CTIF: variants seen among roughly 807,000 people sequenced by gnomAD.
CTIF encodes the protein CBP80/20-dependent translation initiation factor.
A neutral mutation model predicts 66.0 loss-of-function variants in CTIF; 21 were observed. The ratio of observed to expected loss-of-function variants is 0.32; its 90% CI spans 0.23 to 0.46. The LOEUF (loss-of-function observed/expected upper bound fraction) is 0.46, where lower values mean the gene tolerates loss of function less well. Among genes scored for constraint, CTIF ranks in the 20% least tolerant of loss-of-function variants. The pLI, the probability that CTIF is intolerant of heterozygous loss-of-function variation, is 1.00. For synonymous variants in CTIF, 345 were observed against 326.4 expected (o/e 1.06, Z -0.62); for missense variants, 739 against 812.7 (o/e 0.91, Z 1.10).
rs558703084 is a variant in CTIF at position 48,748,474 on chromosome 18, G to A, written c.585-9445G>A. ...GAAGGAAAGCCAGAAGCCTAGAGGT[G>A]TGGGACAGCATGGGATAATGGAGGC... On this transcript the variant is annotated intron_variant, in intron 7 of 11. Coordinates refer to ENST00000256413, the MANE Select transcript of CTIF (RefSeq NM_014772.3). 2.0e-5 allele frequency among the ~76,000 whole-genome samples: 3 copies of A among 152,154 alleles called. No homozygotes were observed. In the East Asian group the frequency reaches 5.8e-4, roughly 29 times the overall value.
intron 2 of CTIF, among the ~76,000 whole-genome samples, chr18:48,623,322 C>T (rs1045924320): frequency 3.3e-5 from 5 of 152,190 alleles, no homozygotes; most frequent in Non-Finnish European, 5.9e-5. Context: ...CTGCTGCTGC[C>T]GGAAAGGGAG....
intron 9 of CTIF, among the ~76,000 whole-genome samples, chr18:48,766,354 G>A (rs1216925979): frequency 6.6e-6 from 1 of 152,138 alleles, no homozygotes; most frequent in Non-Finnish European, 1.5e-5. Context: ...ATGGTTTGTA[G>A]GTGGTGGCTC....
chr18:48,646,915 A>C (rs1270704781), intron 3 of CTIF, among the ~76,000 whole-genome samples: 4 of 151,192 alleles, frequency 2.6e-5, no homozygotes, highest in African/African-American at 4.8e-5. Context: ...AAAAAAAAAA[A>C]AAAAAAAAAA....
At chr18:48,757,472 G>T (rs879877043) in intron 7 of CTIF, among the ~76,000 whole-genome samples, 1 of 152,174 alleles carries the variant, frequency 6.6e-6, no homozygotes, top group Non-Finnish European at 1.5e-5. Context: ...GAAGGTGCTT[G>T]TAAGAAGCAG....
Position 48,619,699 on chromosome 18 carries a change from C to T in CTIF, c.134C>T (p.Thr45Met), listed in dbSNP as rs749625257. The change falls in exon 2 of 12, where the codon ACG becomes ATG. Residue 45 changes from threonine (T) to methionine (M), a missense_variant. By Grantham distance (81) the Thr-to-Met change is moderately conservative (BLOSUM62 -1). Transcript: ENST00000256413. ...GTGCAGGGGCTGCTGGCTGACAAGA[C>T]GGAGGGTGATGGCGAGAGCGAGAGG... ...YQVQGLLADK[T>M]EGDGESERTQ... is the part of the protein sequence containing the mutation. 1.3e-5 allele frequency: 21 copies of T among 1,607,548 alleles called. No individual in the cohort carries two copies. The highest frequency in any genetic ancestry group is 4.5e-5 in the East Asian group (2 of 44,636).
intron 7 of CTIF, among the ~76,000 whole-genome samples, chr18:48,743,213 C>T (rs934165674): frequency 3.9e-5 from 6 of 152,142 alleles, no homozygotes; most frequent in Middle Eastern, 3.2e-3. Flanking sequence ...TGCAGAGCTT[C>T]ACAACCCCGG....
At chr18:48,631,083 C>G (rs960153099) in intron 2 of CTIF, among the ~76,000 whole-genome samples, 2 of 152,240 alleles carry the variant, frequency 1.3e-5, no homozygotes, top group Admixed American at 1.3e-4. Context: ...GCACCTCCAG[C>G]CTCCCACACT....
chr18:48,596,009 T>A (rs2089981523), intron 1 of CTIF, among the ~76,000 whole-genome samples: 1 of 152,166 alleles, frequency 6.6e-6, no homozygotes, highest in Non-Finnish European at 1.5e-5. Flanking sequence ...CTTTTGTAAC[T>A]GAATCACAGA....
intron 10 of CTIF, among the ~76,000 whole-genome samples, chr18:48,831,160 AC>A (rs1005171369): frequency 6.6e-6 from 1 of 151,954 alleles, no homozygotes; most frequent in African/African-American, 2.4e-5. Flanking sequence ...GAAAAGAAAC[AC>A]CCCCCATCAC....
chr18:48,769,637 C>T (rs1223907770), intron 9 of CTIF, among the ~76,000 whole-genome samples: 2 of 152,240 alleles, frequency 1.3e-5, no homozygotes, highest in Admixed American at 6.5e-5. Context: ...GCCCTGGGCT[C>T]CCCCAACAGG....
intron 7 of CTIF, among the ~76,000 whole-genome samples, chr18:48,756,670 C>G (rs1908396108): frequency 1.3e-5 from 2 of 152,198 alleles, no homozygotes; most frequent in African/African-American, 4.8e-5. Flanking sequence ...GCATGGAAAA[C>G]ACCCTGAGGG....
intron 1 of CTIF, among the ~76,000 whole-genome samples, chr18:48,618,937 A>G (rs943576779): frequency 6.6e-6 from 1 of 152,206 alleles, no homozygotes; most frequent in African/African-American, 2.4e-5. Context: ...CTGCAGACTC[A>G]CCATAGGTGT....
chr18:48,632,528 C>G (rs2090737731), intron 2 of CTIF, among the ~76,000 whole-genome samples: 2 of 152,166 alleles, frequency 1.3e-5, no homozygotes, highest in South Asian at 4.1e-4. Context: ...GCTAATGAAC[C>G]CCAATGTGGG....
rs181167369 is a variant in CTIF, at chr18:48,631,187, G to A, written c.181-5427G>A. 2.2e-3 allele frequency among the ~76,000 whole-genome samples: 328 copies of A among 152,328 alleles called. 1 individual carries two copies. The highest frequency in any genetic ancestry group is 2.2e-3 in the Non-Finnish European group (151 of 68,028). ...AATCTCTGCTCATAAAACACTGGCC[G>A]GGTGTGGTGGCTCCCACCTGTAATC... On this transcript the variant is annotated intron_variant, in intron 2 of 11. Transcript: ENST00000256413.
At chr18:48,833,617 T>G (rs1175318760) in intron 10 of CTIF, among the ~76,000 whole-genome samples, 3 of 152,026 alleles carry the variant, frequency 2.0e-5, no homozygotes, top group Non-Finnish European at 2.9e-5. Flanking sequence ...CTTTCACATT[T>G]TGAAAGGAGG....
chr18:48,572,753 T>TGAGGC (rs1354196372), intron 1 of CTIF, among the ~76,000 whole-genome samples: 1 of 151,766 alleles, frequency 6.6e-6, no homozygotes, highest in Non-Finnish European at 1.5e-5. Context: ...TTTGGGAGGG[T>TGAGGC]GAGGCGGGTG....
chr18:48,667,082 GACACAC>G (rs4044188), intron 5 of CTIF, among the ~76,000 whole-genome samples: 30 of 142,178 alleles, frequency 2.1e-4, no homozygotes, highest in Non-Finnish European at 2.6e-4. Flanking sequence ...CAGGAAAGTA[GACACAC>G]ACACACACAC....
intron 1 of CTIF, among the ~76,000 whole-genome samples, chr18:48,604,786 C>T (rs529180709): frequency 9.9e-4 from 151 of 152,326 alleles, no homozygotes; most frequent in African/African-American, 3.5e-3. Context: ...GTCTCCCTGC[C>T]TCCTTCCTGC....
chr18:48,657,633 C>T (rs973874706), intron 3 of CTIF, among the ~76,000 whole-genome samples: 9 of 152,050 alleles, frequency 5.9e-5, no homozygotes, highest in African/African-American at 1.9e-4. Context: ...GTGCTGTGAA[C>T]GGCATGTGCT....
Sources: gnomAD v4.1 joint callset for allele counts (sites outside exome capture counted in the v4.1 genomes callset) on GRCh38, gnomAD v4.1.1 for gene constraint, MANE v1.5 for transcripts, NCBI Gene and HGNC (gene_info 2026-07-23, HGNC 2026-07-21) for gene names.